The following ELAVL4 variants were observed in gnomAD, a reference collection of about 807,000 sequenced individuals.
ELAVL4 encodes the protein ELAV-like protein 4.
ELAVL4 carries 1 observed loss-of-function variant against 35.6 expected under a neutral mutation model. The observed-to-expected ratio is 0.03, with a 90% CI of 0.01 to 0.13. The LOEUF (loss-of-function observed/expected upper bound fraction) is 0.13, where lower values mean the gene tolerates loss of function less well. Ranked by LOEUF, ELAVL4 falls within the 10% of genes least tolerant of loss-of-function variation. ELAVL4 has a pLI of 1.00. For missense variants in ELAVL4, 267 were observed against 464.9 expected (o/e 0.57, Z 3.91); for synonymous variants, 156 against 171.0 (o/e 0.91, Z 0.69).
At chr1:50,117,247 T>C (rs1399860012) in intron 1 of ELAVL4, among the ~76,000 whole-genome samples, 2 of 152,164 alleles carry the variant, frequency 1.3e-5, no homozygotes, top group Admixed American at 1.3e-4. Context: ...CCAGAGGGCC[T>C]GTGTTCAGAT....
At chr1:50,167,321 G>A (rs1678113553) in intron 2 of ELAVL4, among the ~76,000 whole-genome samples, 1 of 152,184 alleles carries the variant, frequency 6.6e-6, no homozygotes, top group Non-Finnish European at 1.5e-5. Context: ...TAAAATGAGT[G>A]CTTTGGTCAG....
chr1:50,119,034 GAA>G (rs565437769), intron 1 of ELAVL4, among the ~76,000 whole-genome samples: 5 of 87,580 alleles, frequency 5.7e-5, no homozygotes, highest in Admixed American at 2.6e-4. Flanking sequence ...AAGAAAGAAA[GAA>G]AAAGAAAGAA....
At chr1:50,106,503 C>A, upstream of ELAVL4, 30 of 760,060 alleles carry the variant, frequency 3.9e-5, no homozygotes, top group Admixed American at 1.8e-4. Context: ...TGGATTGTGG[C>A]AGAAAAAAAA....
intron 1 of ELAVL4, among the ~76,000 whole-genome samples, chr1:50,070,202 A>G (rs1396070533): frequency 6.6e-6 from 1 of 152,242 alleles, no homozygotes; most frequent in Non-Finnish European, 1.5e-5. Flanking sequence ...TGAAGTGGAT[A>G]GCAGTTCTTG....
chr1:50,125,763 G>A (rs1363687109), intron 1 of ELAVL4, among the ~76,000 whole-genome samples: 7 of 152,058 alleles, frequency 4.6e-5, no homozygotes, highest in Non-Finnish European at 1.5e-5. Context: ...CCTTGCAGGA[G>A]CCTGAACCTA....
intron 1 of ELAVL4, among the ~76,000 whole-genome samples, chr1:50,120,796 G>T (rs1009693086): frequency 6.6e-6 from 1 of 152,032 alleles, no homozygotes; most frequent in Non-Finnish European, 1.5e-5. Flanking sequence ...ACTTCAGATT[G>T]TAAAGAAGTG....
chr1:50,180,414 G>C (rs1680837827), intron 3 of ELAVL4: 1 of 152,062 alleles, frequency 6.6e-6, no homozygotes, highest in African/African-American at 2.4e-5. Context: ...TTTCTGATAA[G>C]GGATACTCAA....
intron 2 of ELAVL4, among the ~76,000 whole-genome samples, chr1:50,170,883 T>C (rs1678877944): frequency 6.6e-6 from 1 of 151,920 alleles, no homozygotes; most frequent in South Asian, 2.1e-4. Flanking sequence ...AACAAATAAA[T>C]TTAGCCAGGT....
upstream of ELAVL4, among the ~76,000 whole-genome samples, chr1:50,105,199 C>G (rs1666206571): frequency 6.6e-6 from 1 of 152,166 alleles, no homozygotes; most frequent in Admixed American, 6.5e-5. Flanking sequence ...TTGCCTCCAT[C>G]TTGTATGTGC....
At chr1:50,073,223 T>C (rs944917841) in intron 1 of ELAVL4, among the ~76,000 whole-genome samples, 5 of 152,242 alleles carry the variant, frequency 3.3e-5, no homozygotes, top group African/African-American at 1.2e-4. Flanking sequence ...TCCTTCATAG[T>C]AAGTGGTGGA....
intron 3 of ELAVL4, among the ~76,000 whole-genome samples, chr1:50,189,169 G>T (rs1025638943): frequency 3.9e-5 from 6 of 152,286 alleles, no homozygotes; most frequent in Admixed American, 3.3e-4. Context: ...CCTTTATCGT[G>T]TTTTCCATGT....
intron 1 of ELAVL4, chr1:50,048,212 C>G: frequency 6.6e-7 from 1 of 1,504,002 alleles, no homozygotes; most frequent in Non-Finnish European, 8.9e-7. Flanking sequence ...GGCCCCGCAC[C>G]CCCGACTCTG....
intron 1 of ELAVL4, among the ~76,000 whole-genome samples, chr1:50,056,805 G>A (rs1056048089): frequency 7.2e-5 from 11 of 151,876 alleles, no homozygotes; most frequent in Non-Finnish European, 1.2e-4. Context: ...GGTGGCGGGC[G>A]CCTCTAGTCC....
At chr1:50,083,631 T>A (rs765641291) in intron 1 of ELAVL4, among the ~76,000 whole-genome samples, 1 of 152,146 alleles carries the variant, frequency 6.6e-6, no homozygotes, top group Non-Finnish European at 1.5e-5. Context: ...AACATAAAAT[T>A]TGGGGAGAAA....
At chr1:50,169,757 G>A (rs1338852029) in intron 2 of ELAVL4, among the ~76,000 whole-genome samples, 1 of 152,070 alleles carries the variant, frequency 6.6e-6, no homozygotes, top group Non-Finnish European at 1.5e-5. Flanking sequence ...CAGCTCAAAT[G>A]TCTCCACCTC....
chr1:50,137,775 G>T (rs1331409936), intron 1 of ELAVL4, among the ~76,000 whole-genome samples: 1 of 152,160 alleles, frequency 6.6e-6, no homozygotes, highest in Non-Finnish European at 1.5e-5. Context: ...GGGAAGGAAG[G>T]AAAGGTTTTA....
chr1:50,125,383 C>G (rs925990707), intron 1 of ELAVL4, among the ~76,000 whole-genome samples: 1 of 151,956 alleles, frequency 6.6e-6, no homozygotes, highest in Non-Finnish European at 1.5e-5. Context: ...AGTGAGGCCA[C>G]AATAGTTCAG....
At chr1:50,067,735 G>A (rs757042288) in intron 1 of ELAVL4, among the ~76,000 whole-genome samples, 13 of 152,164 alleles carry the variant, frequency 8.5e-5, no homozygotes, top group Non-Finnish European at 1.8e-4. Context: ...GAGTGCCTGA[G>A]ACTGGGTAAT....
At chr1:50,077,077 A>G (rs1005310959) in intron 1 of ELAVL4, among the ~76,000 whole-genome samples, 9 of 151,964 alleles carry the variant, frequency 5.9e-5, no homozygotes, top group Admixed American at 1.3e-4. Flanking sequence ...ATGACCCTAT[A>G]CTGCACAGCT....
Sources: allele counts gnomAD v4.1 joint callset (sites outside exome capture counted in the v4.1 genomes callset), GRCh38; gene constraint gnomAD v4.1.1; transcripts MANE v1.5; gene names NCBI Gene and HGNC (gene_info 2026-07-23, HGNC 2026-07-21).